Variants in RIMS2 observed in about 807,000 individuals in gnomAD.
RIMS2 encodes the protein regulating synaptic membrane exocytosis protein 2.
RIMS2 carries 59 observed loss-of-function variants against 174.4 expected under a neutral mutation model. The ratio of observed to expected loss-of-function variants is 0.34; its 90% CI spans 0.27 to 0.42. The LOEUF is 0.42. Among genes scored for constraint, RIMS2 ranks in the 10% least tolerant of loss-of-function variants. The probability of loss-of-function intolerance (pLI) is 1.00; values close to 1 mark genes in which losing one functional copy is unlikely to be tolerated. For missense variants in RIMS2, 1,620 were observed against 1,666.3 expected, an observed-to-expected ratio of 0.97 and a Z score of 0.48; for synonymous variants, 606 against 572.5, an observed-to-expected ratio of 1.06 and a Z score of -0.84.
At chr8:103,797,136 G>A (rs535175161) in intron 3 of RIMS2, among the ~76,000 whole-genome samples, 20 of 152,294 alleles carry the variant, frequency 1.3e-4, no homozygotes, top group Admixed American at 5.2e-4. Context: ...TGCCAAGATT[G>A]TTAAGTGAGG....
At chr8:104,135,465 G>T (rs904400380) in intron 19 of RIMS2, among the ~76,000 whole-genome samples, 8 of 151,912 alleles carry the variant, frequency 5.3e-5, no homozygotes, top group Non-Finnish European at 1.0e-4. Context: ...AATTAGTCAG[G>T]TGTGGTGGTG....
chr8:104,013,477 G>C (rs1167834721), exon 18 of RIMS2: 1 of 1,613,836 alleles, frequency 6.2e-7, no homozygotes, highest in Non-Finnish European at 8.5e-7. Flanking sequence ...CCATATCACA[G>C]ATCCAGATCA....
intron 19 of RIMS2, among the ~76,000 whole-genome samples, chr8:104,072,663 T>TA (rs1182662113): frequency 6.6e-6 from 1 of 152,184 alleles, no homozygotes; most frequent in South Asian, 2.1e-4. Context: ...GGTTTTTTTT[T>TA]AAAAACTGTA....
chr8:104,183,513 A>G (rs568558870), intron 19 of RIMS2, among the ~76,000 whole-genome samples: 1 of 151,744 alleles, frequency 6.6e-6, no homozygotes, highest in Non-Finnish European at 1.5e-5. Flanking sequence ...ACAATTTTGA[A>G]TACTAAAATA....
intron 19 of RIMS2, among the ~76,000 whole-genome samples, chr8:104,044,161 G>A (rs538443456): frequency 1.3e-5 from 2 of 151,576 alleles, no homozygotes; most frequent in African/African-American, 4.8e-5. Flanking sequence ...TGAAGCTGAG[G>A]GATATATTGT....
intron 1 of RIMS2, among the ~76,000 whole-genome samples, chr8:103,539,623 G>A (rs951393474): frequency 6.6e-6 from 1 of 152,194 alleles, no homozygotes; most frequent in Non-Finnish European, 1.5e-5. Flanking sequence ...GAGCATACAG[G>A]CATTTTTTGC....
intron 19 of RIMS2, among the ~76,000 whole-genome samples, chr8:104,167,397 G>A (rs542299921): frequency 6.6e-6 from 1 of 152,256 alleles, no homozygotes; most frequent in South Asian, 2.1e-4. Flanking sequence ...GTATCTCATT[G>A]TGGTTTTAAT....
intron 19 of RIMS2, among the ~76,000 whole-genome samples, chr8:104,027,148 G>A (rs1303161832): frequency 1.3e-5 from 2 of 152,108 alleles, no homozygotes; most frequent in Non-Finnish European, 2.9e-5. Flanking sequence ...GAGGGCATAG[G>A]ACCATTTAGG....
At chr8:104,063,059 CTA>C (rs1253595739) in intron 19 of RIMS2, among the ~76,000 whole-genome samples, 2 of 151,816 alleles carry the variant, frequency 1.3e-5, no homozygotes, top group African/African-American at 4.8e-5. Context: ...TGTATTAAAA[CTA>C]TACTTTTTAT....
chr8:103,780,059 G>A (rs559348480), intron 3 of RIMS2, among the ~76,000 whole-genome samples: 1 of 152,222 alleles, frequency 6.6e-6, no homozygotes, highest in African/African-American at 2.4e-5. Context: ...GTTAGGTAGT[G>A]TGAGGCCTCT....
chr8:103,632,204 GT>G (rs1410292249), intron 1 of RIMS2, among the ~76,000 whole-genome samples: 1 of 152,144 alleles, frequency 6.6e-6, no homozygotes, highest in Non-Finnish European at 1.5e-5. Flanking sequence ...TCTTGTGTCA[GT>G]TTTCAAGGGG....
In RIMS2 at chr8:103,949,222, C is replaced by T. The variant is rs1452651602; in HGVS notation, c.2701+6296C>T. On this transcript the variant is annotated intron_variant, in intron 14 of 23. Coordinates refer to ENST00000504942, the Ensembl canonical transcript of RIMS2. ...AAAAGAAAATGCAGTAATAAAACTACAGAATAGATACAATCTCAATTACAG... is the reference window on the plus strand; with the variant it reads ...AAAAGAAAATGCAGTAATAAAACTATAGAATAGATACAATCTCAATTACAG... Among the ~76,000 whole-genome samples the T allele has an allele frequency of 2.7e-5, 4 of 148,548 alleles. No individual in the cohort carries two copies. The East Asian group carries it at 6.0e-4, about 22-fold the overall frequency.
chr8:103,629,321 A>G (rs1161814747), intron 1 of RIMS2, among the ~76,000 whole-genome samples: 2 of 152,262 alleles, frequency 1.3e-5, no homozygotes, highest in Non-Finnish European at 2.9e-5. Context: ...CCCTGAACAG[A>G]CAATGCATGA....
intron 3 of RIMS2, among the ~76,000 whole-genome samples, chr8:103,786,636 T>C (rs35154186): frequency 2.0e-5 from 3 of 152,166 alleles, no homozygotes; most frequent in East Asian, 1.9e-4. Context: ...GTCTGAGAGA[T>C]AGTTTGTTAT....
chr8:103,954,815 G>A (rs905587854), intron 14 of RIMS2, among the ~76,000 whole-genome samples: 1 of 152,054 alleles, frequency 6.6e-6, no homozygotes, highest in African/African-American at 2.4e-5. Context: ...AAATCCAGGA[G>A]CTGGTTTTTT....
chr8:103,618,822 T>A (rs1176495190), intron 1 of RIMS2, among the ~76,000 whole-genome samples: 3 of 152,110 alleles, frequency 2.0e-5, no homozygotes, highest in Non-Finnish European at 2.9e-5. Context: ...ATGAGAGTTT[T>A]CTCTGAGGGT....
intron 1 of RIMS2, among the ~76,000 whole-genome samples, chr8:103,682,261 T>C (rs2096889374): frequency 6.6e-6 from 1 of 152,078 alleles, no homozygotes; most frequent in Non-Finnish European, 1.5e-5. Flanking sequence ...GCCTTAAGTA[T>C]GGATAAAAAT....
rs555198601 is a variant in RIMS2, at chr8:103,550,752, C to A, written c.176+49690C>A. Among the ~76,000 whole-genome samples the A allele has an allele frequency of 1.4e-4, 22 of 151,960 alleles. No homozygotes were observed. In the South Asian group the frequency reaches 4.4e-3, roughly 30 times the overall value. ...AAAAGAGAGAAGTATCAAATAGATA[C>A]AATAAAAAATGATAAAGGGGTTATT... On this transcript the variant is annotated intron_variant, in intron 1 of 23. Transcript: ENST00000504942.
chr8:103,996,589 A>G (rs1215888281), intron 17 of RIMS2, among the ~76,000 whole-genome samples: 1 of 152,132 alleles, frequency 6.6e-6, no homozygotes. Context: ...TCTACAGAGA[A>G]AGGAAATCCA....
Sources: allele counts gnomAD v4.1 joint callset (sites outside exome capture counted in the v4.1 genomes callset), GRCh38; gene constraint gnomAD v4.1.1; transcripts MANE v1.5; gene names NCBI Gene and HGNC (gene_info 2026-07-23, HGNC 2026-07-21).